The following DMD variants were observed in gnomAD, a reference collection of about 807,000 sequenced individuals.
The protein encoded by DMD is mutant dystrophin.
DMD carries 63 observed loss-of-function variants against 330.1 expected under a neutral mutation model. The observed-to-expected ratio is 0.19, with a 90% CI of 0.16 to 0.24. The LOEUF is 0.24. Ranked by LOEUF, DMD falls within the 10% of genes least tolerant of loss-of-function variation. The pLI is 1.00. For missense variants in DMD, 3,344 were observed against 2,684.1 expected, an observed-to-expected ratio of 1.25 and a Z score of -5.43; for synonymous variants, 1,223 against 959.8, an observed-to-expected ratio of 1.27 and a Z score of -5.07.
intron 59 of DMD, among the ~76,000 whole-genome samples, chrX:31,469,865 T>C (rs890353841): frequency 9.0e-6 from 1 of 111,622 alleles, no homozygotes; most frequent in African/African-American, 3.3e-5. Context: ...GCTTTGTTTG[T>C]TCCTTTTCAT....
chrX:31,228,206 T>C (rs1481490849), intron 63 of DMD, among the ~76,000 whole-genome samples: 1 of 101,596 alleles, frequency 9.8e-6, no homozygotes, highest in Non-Finnish European at 2.0e-5. Context: ...TGTATACATA[T>C]GTAACTAACC....
intron 61 of DMD, among the ~76,000 whole-genome samples, chrX:31,337,573 T>A (rs985888917): frequency 3.6e-5 from 4 of 112,431 alleles, no homozygotes; most frequent in Admixed American, 2.8e-4. Context: ...AGGGATGTGA[T>A]CCCACTATTT....
chrX:32,317,993 A>G (rs1296234441), intron 41 of DMD, among the ~76,000 whole-genome samples: 1 of 111,278 alleles, frequency 9.0e-6, no homozygotes, highest in African/African-American at 3.3e-5. Flanking sequence ...CTTTCCTCAA[A>G]GGGACATTCT....
intron 2 of DMD, among the ~76,000 whole-genome samples, chrX:32,882,152 T>A (rs748138679): frequency 8.9e-6 from 1 of 111,886 alleles, no homozygotes; most frequent in Non-Finnish European, 1.9e-5. Context: ...CTCAGTCCCA[T>A]TGGGCCCTTC....
chrX:31,803,657 CCTCT>C (rs1303245680), intron 50 of DMD, among the ~76,000 whole-genome samples: 26 of 72,403 alleles, frequency 3.6e-4, no homozygotes, highest in Non-Finnish European at 5.4e-4. Flanking sequence ...TCTTTGTCTT[CCTCT>C]CTCTCTTTCT....
In DMD at chrX:31,120,894, A is replaced by ACTCTG. The variant is rs2032341811; in HGVS notation, c.*1024_*1025insCAGAG. On this transcript the variant is annotated 3_prime_UTR_variant, in exon 79 of 79. Transcript: ENST00000357033. ...CAATCAATCAATCAATCAACCAACC[A>ACTCTG]ACCGATTACTCACTCTGATATAATA... The ACTCTG allele has an allele frequency of 1.8e-5, 2 of 111,752 alleles. No homozygotes were observed. The highest frequency in any genetic ancestry group is 6.5e-5 in the African/African-American group (2 of 30,698). The allele number at this position is 111,752 out of a possible 1,213,427, so 9.2% of individuals were successfully genotyped here.
At chrX:32,491,250 C>G in intron 20 of DMD, 27 bp downstream of exon 20, 2 of 1,209,425 alleles carry the variant, frequency 1.7e-6, no homozygotes, top group South Asian at 1.8e-5. Flanking sequence ...TGATTATGCT[C>G]CAAATGGAAG....
chrX:31,212,464 C>A (rs1343934865), intron 64 of DMD, among the ~76,000 whole-genome samples: 1 of 109,632 alleles, frequency 9.1e-6, no homozygotes, highest in Non-Finnish European at 1.9e-5. Context: ...TGGGGGGCGG[C>A]GAGCAGGCAG....
At chrX:32,894,331 A>C (rs940246218) in intron 2 of DMD, among the ~76,000 whole-genome samples, 3 of 111,663 alleles carry the variant, frequency 2.7e-5, no homozygotes, top group Non-Finnish European at 5.6e-5. Flanking sequence ...TTAGAGGTTT[A>C]CATACAGGGG....
chrX:32,449,892 A>C (rs2098323139), intron 26 of DMD, among the ~76,000 whole-genome samples: 1 of 110,909 alleles, frequency 9.0e-6, no homozygotes, highest in Non-Finnish European at 1.9e-5. Flanking sequence ...TTGAGACAAG[A>C]AAGGGAAGAG....
intron 54 of DMD, among the ~76,000 whole-genome samples, chrX:31,628,915 CATATATAT>C (rs10524146): frequency 0.013 from 1,063 of 82,758 alleles, 36 homozygotes; most frequent in African/African-American, 0.043. Context: ...TATTTTTGAT[CATATATAT>C]ATATATATAT....
At chrX:33,287,060 G>A (rs896667177) in intron 1 of DMD, among the ~76,000 whole-genome samples, 1 of 111,749 alleles carries the variant, frequency 8.9e-6, no homozygotes, top group African/African-American at 3.3e-5. Context: ...TGTGACATGA[G>A]CAAACAATAA....
chrX:31,665,339 A>C (rs2081366849), intron 53 of DMD, among the ~76,000 whole-genome samples: 1 of 112,021 alleles, frequency 8.9e-6, no homozygotes, highest in Non-Finnish European at 1.9e-5. Context: ...AAAATCACTA[A>C]ACAATTTGGT....
At chrX:31,671,526 TTGTC>T (rs1186595863) in intron 53 of DMD, among the ~76,000 whole-genome samples, 1 of 112,383 alleles carries the variant, frequency 8.9e-6, no homozygotes, top group Non-Finnish European at 1.9e-5. Context: ...TGTGATATCT[TTGTC>T]TGGTTAGGAA....
At chrX:31,889,647 TCACACACA>T (rs773894352) in intron 47 of DMD, among the ~76,000 whole-genome samples, 4 of 71,617 alleles carry the variant, frequency 5.6e-5, no homozygotes, top group Non-Finnish European at 1.1e-4. Flanking sequence ...TCTCTCTCTC[TCACACACA>T]CACACACACA....
At chrX:32,395,573 TA>T (rs915716081) in intron 30 of DMD, among the ~76,000 whole-genome samples, 1 of 110,435 alleles carries the variant, frequency 9.1e-6, no homozygotes, top group Non-Finnish European at 1.9e-5. Context: ...AAGTATAATT[TA>T]AAAAAATTTT....
chrX:32,782,715 A>T (rs188722835), intron 7 of DMD, among the ~76,000 whole-genome samples: 195 of 110,227 alleles, frequency 1.8e-3, no homozygotes, highest in Non-Finnish European at 3.0e-3. Flanking sequence ...AATAGGGTGA[A>T]TATAGTCAAT....
intron 49 of DMD, among the ~76,000 whole-genome samples, chrX:31,834,039 A>T (rs2093135402): frequency 1.8e-5 from 2 of 111,392 alleles, no homozygotes; most frequent in Non-Finnish European, 3.8e-5. Flanking sequence ...TTCCTCTTCT[A>T]TTAAGAGGTA....
chrX:32,324,227 T>C (rs920687484), intron 41 of DMD, among the ~76,000 whole-genome samples: 1 of 111,697 alleles, frequency 9.0e-6, no homozygotes, highest in Non-Finnish European at 1.9e-5. Context: ...TTATACATTC[T>C]ATGCATGTAG....
Sources: gnomAD v4.1 joint callset for allele counts (sites outside exome capture counted in the v4.1 genomes callset) on GRCh38, gnomAD v4.1.1 for gene constraint, MANE v1.5 for transcripts, NCBI Gene and HGNC (gene_info 2026-07-23, HGNC 2026-07-21) for gene names.